Variants in ARFGEF3 observed in about 807,000 individuals in gnomAD.
ARFGEF3 encodes ARFGEF family member 3.
A neutral mutation model predicts 221.7 loss-of-function variants in ARFGEF3; 96 were observed. The observed-to-expected ratio is 0.43, with a 90% CI of 0.37 to 0.51. The LOEUF is 0.51. Ranked by LOEUF, ARFGEF3 falls within the 20% of genes least tolerant of loss-of-function variation. The pLI, the probability that ARFGEF3 is intolerant of heterozygous loss-of-function variation, is 0.00. For missense variants in ARFGEF3, 2,410 were observed against 2,789.9 expected, an observed-to-expected ratio of 0.86 and a Z score of 3.07; for synonymous variants, 1,145 against 1,126.8, an observed-to-expected ratio of 1.02 and a Z score of -0.32.
chr6:138,170,188 A>T (rs6912938), intron 1 of ARFGEF3, among the ~76,000 whole-genome samples: 20,730 of 152,160 alleles, frequency 0.14, 1,709 homozygotes, highest in African/African-American at 0.23. Flanking sequence ...GTAATTTTTT[A>T]AAAAAAGTTT....
chr6:138,280,296 G>A, intron 14 of ARFGEF3, 132 bp downstream of exon 14: 1 of 827,700 alleles, frequency 1.2e-6, no homozygotes, highest in Non-Finnish European at 1.9e-6. Context: ...CCCTGGCAAT[G>A]GTGACAGTTC....
chr6:138,307,496 T>G, intron 23 of ARFGEF3, 99 bp downstream of exon 23: 1 of 1,093,798 alleles, frequency 9.1e-7, no homozygotes, highest in Non-Finnish European at 1.3e-6. Context: ...GAAGACAGAT[T>G]GTCAGCCATG....
At chr6:138,174,876 G>T (rs1403404591) in intron 2 of ARFGEF3, among the ~76,000 whole-genome samples, 1 of 152,104 alleles carries the variant, frequency 6.6e-6, no homozygotes, top group Admixed American at 6.6e-5. Context: ...GTTAGTAGTG[G>T]TAGCTTAAAT....
At chr6:138,188,853 A>G (rs1007557556) in intron 2 of ARFGEF3, among the ~76,000 whole-genome samples, 4 of 152,354 alleles carry the variant, frequency 2.6e-5, no homozygotes, top group African/African-American at 9.6e-5. Flanking sequence ...GCAGGCAGCT[A>G]GTAAGGAACC....
At position 138,261,652 on chromosome 6, in the gene ARFGEF3, T is replaced by C. The variant is rs763314563; in HGVS notation, c.1217+13T>C. The C allele has an allele frequency of 5.5e-6, 8 of 1,447,738 alleles. No homozygotes were observed. In the East Asian group the frequency reaches 2.0e-4, roughly 36 times the overall value. The allele number at this position is 1,447,738 out of a possible 1,614,324, so 89.7% of individuals were successfully genotyped here. On this transcript the variant is annotated intron_variant, in intron 11 of 33. Coordinates refer to ENST00000251691, the MANE Select transcript of ARFGEF3 (RefSeq NM_020340.5). The stretch of plus-strand genomic sequence containing the variant: ...ATCTCCTCAAACTGTATGATGTTTA[T>C]CCTTTTAAGTCTTTATTGAGGCTGC...
intron 25 of ARFGEF3, among the ~76,000 whole-genome samples, 181 bp from the exon 26 acceptor site, chr6:138,313,614 T>C (rs1779868706): frequency 6.6e-6 from 1 of 152,218 alleles, no homozygotes; most frequent in East Asian, 1.9e-4. Context: ...TTTCATCTGC[T>C]TCATGGGATA....
At chr6:138,313,603 A>G (rs1779868615) in intron 25 of ARFGEF3, among the ~76,000 whole-genome samples, 192 bp from the exon 26 acceptor site, 1 of 152,146 alleles carries the variant, frequency 6.6e-6, no homozygotes, top group South Asian at 2.1e-4. Flanking sequence ...ATTGTATGCT[A>G]TTTCATCTGC....
At position 138,328,063 on chromosome 6, in the gene ARFGEF3, A is replaced by T; in HGVS notation, c.5044A>T (p.Asn1682Tyr). The T allele has an allele frequency of 6.4e-7, 1 of 1,559,394 alleles. No individual in the cohort carries two copies. Among genetic ancestry groups the T allele is most frequent in the South Asian group, 1.2e-5 (1 of 84,486 alleles). ...CCAGTGCTCACCAAAGACACCAAAC[A>T]ACTTTGACCACGCTCAGTCCTGCCA... Reference protein sequence around the residue: ...DTQCSPKTPNNFDHAQSCQLI... With the variant: ...DTQCSPKTPNYFDHAQSCQLI... The change falls in exon 32 of 34, where the codon AAC becomes TAC. Residue 1682 changes from asparagine (N) to tyrosine (Y), a missense_variant. By Grantham distance (143) the Asn-to-Tyr change is moderately radical. Transcript: ENST00000251691.
At position 138,238,546 on chromosome 6, in the gene ARFGEF3, G is replaced by A. The variant is rs1326151522; in HGVS notation, c.458G>A (p.Arg153His). The change falls in exon 6 of 34, where the codon CGT (arginine) becomes CAT (histidine). Residue 153 changes from arginine to histidine, a missense_variant. Physicochemically the swap from Arg to His is conservative, Grantham distance 29. Transcript: ENST00000251691. Reference protein sequence around the residue: ...IETYISSCHQRSINTAVRATL... With the variant: ...IETYISSCHQHSINTAVRATL... ...ACGTACATAAGCAGCTGTCACCAGC[G>A]TAGCATAAACACTGCTGTGCGGGCA... The A allele has an allele frequency of 4.3e-6, 7 of 1,613,764 alleles. No individual in the cohort carries two copies. Among genetic ancestry groups the A allele is most frequent in the South Asian group, 1.1e-5 (1 of 91,060 alleles).
intron 3 of ARFGEF3, 69 bp downstream of exon 3, chr6:138,207,192 T>C (rs1359823624): frequency 1.7e-6 from 2 of 1,179,972 alleles, no homozygotes; most frequent in African/African-American, 3.0e-5. Flanking sequence ...AAAGGGCAAA[T>C]AGTTAACATT....
intron 4 of ARFGEF3, among the ~76,000 whole-genome samples, chr6:138,210,741 G>T (rs1235346385): frequency 6.6e-6 from 1 of 152,110 alleles, no homozygotes. Flanking sequence ...TTTTAATAAT[G>T]TATTCTGTCC....
chr6:138,334,065 C>T lies in ARFGEF3; in HGVS notation c.5219C>T (p.Pro1740Leu). 6.2e-7 allele frequency: 1 copy of T among 1,613,908 alleles called. No homozygotes were observed. The highest frequency in any genetic ancestry group is 8.5e-7 in the Non-Finnish European group (1 of 1,179,880). The change falls in exon 33 of 34, where the codon CCC becomes CTC. Residue 1740 changes from proline (P) to leucine (L), a missense_variant. By Grantham distance (98) the Pro-to-Leu change is moderately conservative. Transcript: ENST00000251691. This position sits in a 1 kb window ranked among gnomAD's most constrained non-coding sequence, Gnocchi z 5.1. ...TTGTTAGAAGAGTTTGTCAAAGGCC[C>T]CTCTCCTGGAGAGGAAAAGACGATA... The part of the protein sequence containing the change: ...DILLEEFVKG[P>L]SPGEEKTIQV...
At chr6:138,217,760 T>C (rs1025956174) in intron 4 of ARFGEF3, 12 of 572,318 alleles carry the variant, frequency 2.1e-5, no homozygotes, top group African/African-American at 3.8e-5. Flanking sequence ...AATAACAAAC[T>C]AAATTGAGAT....
At position 138,267,582 on chromosome 6, in the gene ARFGEF3, A is replaced by G. The variant is rs140862103; in HGVS notation, c.2128+3971A>G. Reference sequence around the variant, plus strand: ...AGTGGTGAGGACTGACTTCCAAGGGACCACCCTCATTTCTTATAAGAATTA... The same window carrying G: ...AGTGGTGAGGACTGACTTCCAAGGGGCCACCCTCATTTCTTATAAGAATTA... On this transcript the variant is annotated intron_variant, in intron 12 of 33. Transcript: ENST00000251691. 5.0e-3 allele frequency among the ~76,000 whole-genome samples: 756 copies of G among 152,330 alleles called. 6 individuals are homozygous for G. The highest frequency in any genetic ancestry group is 0.017 in the African/African-American group (715 of 41,578).
At chr6:138,201,127 T>G (rs1185665260) in intron 2 of ARFGEF3, among the ~76,000 whole-genome samples, 1 of 152,192 alleles carries the variant, frequency 6.6e-6, no homozygotes, top group Non-Finnish European at 1.5e-5. Context: ...CAATACCACC[T>G]TACTCCTGCA....
rs534468744 is a variant in ARFGEF3 at position 138,177,185 on chromosome 6, A to G, written c.137+6472A>G. Among the ~76,000 whole-genome samples, 3 of 151,808 alleles carry G rather than the reference A, an allele frequency of 2.0e-5. No individual in the cohort carries two copies. In the South Asian group the frequency reaches 6.2e-4, roughly 32 times the overall value. ...GCTCACTGCAACCTCTGCCTCCCAGATTCAAGCAATCCTCCCACCTCAGCC... is the reference window on the plus strand; with the variant it reads ...GCTCACTGCAACCTCTGCCTCCCAGGTTCAAGCAATCCTCCCACCTCAGCC... On this transcript the variant is annotated intron_variant, in intron 2 of 33. Transcript: ENST00000251691.
At chr6:138,257,959 A>C (rs1749134196) in intron 10 of ARFGEF3, among the ~76,000 whole-genome samples, 1 of 152,252 alleles carries the variant, frequency 6.6e-6, no homozygotes, top group Admixed American at 6.5e-5. Flanking sequence ...GAGAAAACAC[A>C]TGGAGGCTGA....
At chr6:138,181,947 A>G (rs1161871103) in intron 2 of ARFGEF3, among the ~76,000 whole-genome samples, 1 of 152,236 alleles carries the variant, frequency 6.6e-6, no homozygotes, top group African/African-American at 2.4e-5. Context: ...GAGCTCATCA[A>G]TTTAGTGATG....
chr6:138,272,126 G>A (rs1283512473), intron 12 of ARFGEF3, among the ~76,000 whole-genome samples: 1 of 132,150 alleles, frequency 7.6e-6, no homozygotes, highest in Non-Finnish European at 1.6e-5. Flanking sequence ...GAGATTTATA[G>A]CATACTAGCA....
Sources: allele counts gnomAD v4.1 joint callset (sites outside exome capture counted in the v4.1 genomes callset), GRCh38; gene constraint gnomAD v4.1.1; non-coding constraint Gnocchi (gnomAD v3.1); transcripts MANE v1.5; gene names NCBI Gene and HGNC (gene_info 2026-07-23, HGNC 2026-07-21).